Variants in CCDC117 observed in about 807,000 individuals in gnomAD.
CCDC117 encodes the protein coiled-coil domain containing 117.
Under a neutral mutation model 23.5 loss-of-function variants are expected in CCDC117, and 1 was observed. The ratio of observed to expected loss-of-function variants is 0.04; its 90% CI spans 0.02 to 0.20. The LOEUF (loss-of-function observed/expected upper bound fraction) is 0.20, where lower values mean the gene tolerates loss of function less well. CCDC117 is among the 10% of genes least tolerant of loss of function. The pLI is 1.00. For synonymous variants in CCDC117, 132 were observed against 124.8 expected (o/e 1.06, Z -0.39); for missense variants, 383 against 348.2 (o/e 1.10, Z -0.80).
At position 28,783,656 on chromosome 22, in the gene CCDC117, G is replaced by A; in HGVS notation, c.602+11G>A. ...AATGATTGAGTCTATGTAAGTTTTG[G>A]TACCTGATTTCTATTTAATTATGAT... On this transcript the variant is annotated intron_variant, in intron 4 of 4. Coordinates refer to ENST00000249064, the MANE Select transcript of CCDC117 (RefSeq NM_173510.4). 2 of 1,611,518 alleles carry A rather than the reference G, an allele frequency of 1.2e-6. No individual in the cohort carries two copies. Among genetic ancestry groups the A allele is most frequent in the South Asian group, 1.1e-5 (1 of 90,802 alleles).
intron 2 of CCDC117, among the ~76,000 whole-genome samples, chr22:28,775,878 CAA>C (rs538082046): frequency 9.7e-4 from 148 of 152,210 alleles, no homozygotes; most frequent in African/African-American, 3.5e-3. Flanking sequence ...GCCTTGGTGA[CAA>C]AGTGAGACTG....
Position 28,781,330 on chromosome 22 carries a change from G to GTTTTGTTTTTT in CCDC117, c.464+163_464+173dup, listed in dbSNP as rs2031313893. 1.1e-4 allele frequency among the ~76,000 whole-genome samples: 4 copies of GTTTTGTTTTTT among 37,628 alleles called. 1 individual carries two copies. The highest frequency in any genetic ancestry group is 1.8e-4 in the Non-Finnish European group (4 of 22,064). 24.7% of individuals were successfully genotyped at this position (37,628 alleles called of 152,430 possible). A position where few individuals can be genotyped will look rare whatever the true frequency, so the allele number is the denominator to read the frequency against. The stretch of plus-strand genomic sequence containing the variant: ...AAAGTGTATTCGTTTTTGTTTTTTT[G>GTTTTGTTTTTT]TTTTGTTTTTTTTTTTTTTTTTTTT... On this transcript the variant is annotated intron_variant, in intron 3 of 4. Coordinates refer to ENST00000249064, the MANE Select transcript of CCDC117 (RefSeq NM_173510.4).
intron 1 of CCDC117, 51 bp downstream of exon 1, chr22:28,773,085 G>C (rs941949351): frequency 4.2e-6 from 4 of 941,668 alleles, no homozygotes; most frequent in Non-Finnish European, 5.2e-6. Context: ...GGGCGGGCAG[G>C]CTGGGCGCCC....
rs147467816 is a variant in CCDC117, at chr22:28,774,728, ATT to A, written c.239+951_239+952del. 5.9e-3 allele frequency among the ~76,000 whole-genome samples: 890 copies of A among 151,970 alleles called. 10 individuals carry two copies. Among genetic ancestry groups the A allele is most frequent in the African/African-American group, 0.02 (833 of 41,474 alleles). On this transcript the variant is annotated intron_variant, in intron 2 of 4. Coordinates refer to ENST00000249064, the MANE Select transcript of CCDC117 (RefSeq NM_173510.4). Reference sequence around the variant, plus strand: ...AGAGACAACCCCCTTACCTGTTTTCATTGTCTCCTTTAGAAGATAATCTAAAA... The same window carrying A: ...AGAGACAACCCCCTTACCTGTTTTCAGTCTCCTTTAGAAGATAATCTAAAA...
chr22:28,772,838 G>A lies in CCDC117; in HGVS notation c.-12G>A. On this transcript the variant is annotated 5_prime_UTR_variant, in exon 1 of 5. Transcript: ENST00000249064. ...CCGAGGCCGCCGTCGCAGCCTCCTC[G>A]TCTCGCCGGCTATGGCTGCGCTCGG... 1.6e-6 allele frequency: 2 copies of A among 1,226,296 alleles called. No individual in the cohort carries two copies. Among genetic ancestry groups the A allele is most frequent in the African/African-American group, 3.1e-5 (2 of 63,980 alleles). 76.0% of individuals were successfully genotyped at this position (1,226,296 alleles called of 1,614,324 possible). A position where few individuals can be genotyped will look rare whatever the true frequency, so the allele number is the denominator to read the frequency against.
intron 2 of CCDC117, among the ~76,000 whole-genome samples, chr22:28,778,275 T>C (rs1213351390): frequency 6.6e-6 from 1 of 152,212 alleles, no homozygotes; most frequent in African/African-American, 2.4e-5. Context: ...TGTTGATACA[T>C]AGATTCATAA....
At chr22:28,782,233 G>A (rs888836044) in intron 3 of CCDC117, among the ~76,000 whole-genome samples, 5 of 148,496 alleles carry the variant, frequency 3.4e-5, no homozygotes, top group South Asian at 4.3e-4. Context: ...CTACTGTGCC[G>A]GGCCAGTCTA....
At chr22:28,777,925 A>G (rs1006921796) in intron 2 of CCDC117, among the ~76,000 whole-genome samples, 3 of 150,232 alleles carry the variant, frequency 2.0e-5, no homozygotes, top group African/African-American at 7.4e-5. Flanking sequence ...ATCAGGGTTC[A>G]CTGCAACCTC....
chr22:28,781,321 TGTTTTTTTGTTTTG>T (rs1601425448), intron 3 of CCDC117, 149 bp downstream of exon 3: 1 of 433,492 alleles, frequency 2.3e-6, no homozygotes, highest in Non-Finnish European at 4.3e-6. Context: ...TATTCGTTTT[TGTTTTTTTGTTTTG>T]TTTTTTTTTT....
Position 28,780,979 on chromosome 22 carries a change from G to A in CCDC117, c.271G>A (p.Ala91Thr). The change falls in exon 3 of 5, where the codon GCA becomes ACA. Residue 91 changes from alanine to threonine, a missense_variant. Ala to Thr is a moderately conservative substitution (Grantham distance 58). Coordinates refer to ENST00000249064, the MANE Select transcript of CCDC117 (RefSeq NM_173510.4). ...CPVRKKRITE[A>T]ELCAGPNDWI... ...AGTAAGAAAGAAAAGGATAACTGAA[G>A]CAGAGCTCTGTGCTGGTCCTAATGA... 1.2e-6 allele frequency: 2 copies of A among 1,613,802 alleles called. No individual in the cohort carries two copies. The highest frequency in any genetic ancestry group is 8.5e-7 in the Non-Finnish European group (1 of 1,179,796).
At chr22:28,779,188 C>T (rs1167313612) in intron 2 of CCDC117, among the ~76,000 whole-genome samples, 2 of 139,928 alleles carry the variant, frequency 1.4e-5, no homozygotes, top group African/African-American at 5.6e-5. Context: ...TTCAAAATAT[C>T]ACATACTTTA....
Position 28,780,991 on chromosome 22 carries a change from G to A in CCDC117, c.283G>A (p.Ala95Thr). The change falls in exon 3 of 5, where the codon GCT becomes ACT. Residue 95 changes from alanine (A) to threonine (T), a missense_variant. Transcript: ENST00000249064. Reference sequence around the variant, plus strand: ...AAGGATAACTGAAGCAGAGCTCTGTGCTGGTCCTAATGACTGGATTCTTTG... The same window carrying A: ...AAGGATAACTGAAGCAGAGCTCTGTACTGGTCCTAATGACTGGATTCTTTG... ...KKRITEAELC[A>T]GPNDWILCAH... 6.2e-7 allele frequency: 1 copy of A among 1,614,066 alleles called. No homozygotes were observed. Among genetic ancestry groups the A allele is most frequent in the Non-Finnish European group, 8.5e-7 (1 of 1,180,010 alleles).
Position 28,773,705 on chromosome 22 carries a change from AT to A in CCDC117, c.186-15del, listed in dbSNP as rs573907298. 1.7e-4 allele frequency: 273 copies of A among 1,606,866 alleles called. 1 individual carries two copies. In the African/African-American group the frequency reaches 3.3e-3, roughly 19 times the overall value. On this transcript the variant is annotated intron_variant, in intron 1 of 4. Coordinates refer to ENST00000249064, the MANE Select transcript of CCDC117 (RefSeq NM_173510.4). ...CTCGAGTACATTTCTTAATTGACTG[AT>A]TTTTGTTTGTTTCAACAGTGTTTCT...
chr22:28,773,872 G>A (rs1006616082), intron 2 of CCDC117, 94 bp downstream of exon 2: 6 of 946,942 alleles, frequency 6.3e-6, no homozygotes, highest in African/African-American at 1.6e-5. Flanking sequence ...TGAAACATTA[G>A]ATGAGTGTCT....
intron 2 of CCDC117, among the ~76,000 whole-genome samples, chr22:28,776,315 G>A (rs115885946): frequency 0.011 from 1,630 of 152,224 alleles, 33 homozygotes; most frequent in African/African-American, 0.037. Flanking sequence ...ACTGAGGCAC[G>A]AGGAGAAGGC....
At chr22:28,784,270 G>C (rs1385853550) in intron 4 of CCDC117, among the ~76,000 whole-genome samples, 2 of 152,152 alleles carry the variant, frequency 1.3e-5, no homozygotes, top group African/African-American at 4.8e-5. Flanking sequence ...GAGGACAAGA[G>C]AGGAAACTGG....
chr22:28,783,363 G>A (rs935330942), intron 3 of CCDC117, 145 bp from the exon 4 acceptor site: 1 of 696,850 alleles, frequency 1.4e-6, no homozygotes, highest in Non-Finnish European at 2.3e-6. Context: ...TTATACTCAG[G>A]TATAGCCTCA....
chr22:28,786,205 T>G lies in CCDC117; in HGVS notation c.719T>G (p.Val240Gly), dbSNP rs1323758880. 8 of 1,614,138 alleles carry G rather than the reference T, an allele frequency of 5.0e-6. No individual in the cohort carries two copies. The highest frequency in any genetic ancestry group is 6.8e-6 in the Non-Finnish European group (8 of 1,179,994). Residue 240 changes from valine (V) to glycine (G), a missense_variant, in exon 5 of 5, where the codon GTA becomes GGA. Transcript: ENST00000249064. The stretch of plus-strand genomic sequence containing the variant: ...ACAGGAGAGAGCCAAGCTAAGCATG[T>G]AGCTGCTGGCACTGCCTTCCCTCAG... ...NYTGESQAKH[V>G]AAGTAFPQRT...
rs538777880 is a variant in CCDC117 at position 28,789,186 on chromosome 22, T to C, written c.*2860T>C. On this transcript the variant is annotated 3_prime_UTR_variant, in exon 5 of 5. Coordinates refer to ENST00000249064, the MANE Select transcript of CCDC117 (RefSeq NM_173510.4). ...CTTTGTTTTTCAATAGTGACAAGAA[T>C]GGTTCAGTTCTAGGAATGTTCTGGA... is the stretch of plus-strand genomic sequence containing the variant. 3 of 152,314 alleles carry C rather than the reference T, an allele frequency of 2.0e-5. No individual in the cohort carries two copies. Among genetic ancestry groups the C allele is most frequent in the African/African-American group, 7.2e-5 (3 of 41,566 alleles). 9.4% of individuals were successfully genotyped at this position (152,314 alleles called of 1,614,324 possible). A position where few individuals can be genotyped will look rare whatever the true frequency, so the allele number is the denominator to read the frequency against.
Sources: allele counts gnomAD v4.1 joint callset (sites outside exome capture counted in the v4.1 genomes callset), GRCh38; gene constraint gnomAD v4.1.1; transcripts MANE v1.5; gene names NCBI Gene and HGNC (gene_info 2026-07-23, HGNC 2026-07-21).